Variants in NBAS observed in about 807,000 individuals in gnomAD.
NBAS encodes the protein NAG/BC035112 fusion.
Under a neutral mutation model 302.5 loss-of-function variants are expected in NBAS, and 219 were observed. The ratio of observed to expected loss-of-function variants is 0.72; its 90% CI spans 0.65 to 0.81. The LOEUF is 0.81. Ranked by LOEUF, NBAS falls within the 30% of genes least tolerant of loss-of-function variation. The pLI, the probability that NBAS is intolerant of heterozygous loss-of-function variation, is 0.00. For missense variants in NBAS, 2,932 were observed against 2,841.6 expected (o/e 1.03, Z -0.72); for synonymous variants, 1,118 against 1,021.6 (o/e 1.09, Z -1.80).
intron 23 of NBAS, among the ~76,000 whole-genome samples, chr2:15,419,941 T>C (rs964181939): frequency 2.6e-5 from 4 of 152,078 alleles, no homozygotes; most frequent in Admixed American, 2.6e-4. Flanking sequence ...CTCGATCTCC[T>C]GACCTCATGA....
the NBAS span, among the ~76,000 whole-genome samples, chr2:15,061,539 T>C: frequency 6.6e-6 from 1 of 152,218 alleles, no homozygotes; most frequent in East Asian, 1.9e-4. Flanking sequence ...TGAAGCCCAT[T>C]TGAGCTGATG....
intron 48 of NBAS, among the ~76,000 whole-genome samples, chr2:15,191,276 G>A (rs1285506731): frequency 6.6e-6 from 1 of 152,156 alleles, no homozygotes; most frequent in Non-Finnish European, 1.5e-5. Context: ...ATGCTACATT[G>A]TCTGCACTAA....
chr2:15,326,534 G>A (rs746106754), intron 38 of NBAS, among the ~76,000 whole-genome samples: 3 of 151,992 alleles, frequency 2.0e-5, no homozygotes, highest in Non-Finnish European at 4.4e-5. Flanking sequence ...ACTGATGTAA[G>A]ACAATAAAAA....
the NBAS span, among the ~76,000 whole-genome samples, chr2:15,128,545 T>G: frequency 6.6e-6 from 1 of 152,036 alleles, no homozygotes; most frequent in African/African-American, 2.4e-5. Context: ...TAAATAAATA[T>G]CCTACAAAGT....
At chr2:14,788,577 A>G in the NBAS span, among the ~76,000 whole-genome samples, 1 of 152,154 alleles carries the variant, frequency 6.6e-6, no homozygotes, top group Admixed American at 6.6e-5. Flanking sequence ...GGAGTTTGCT[A>G]GAGGTCCACT....
At chr2:15,532,036 C>T (rs1663241325) in intron 9 of NBAS, among the ~76,000 whole-genome samples, 1 of 152,106 alleles carries the variant, frequency 6.6e-6, no homozygotes, top group Non-Finnish European at 1.5e-5. Flanking sequence ...CAGTATGTGG[C>T]ACAGAGTAGG....
At chr2:15,399,392 A>G (rs1490177419) in intron 26 of NBAS, among the ~76,000 whole-genome samples, 1 of 152,162 alleles carries the variant, frequency 6.6e-6, no homozygotes, top group East Asian at 1.9e-4. Flanking sequence ...TGCCACACTG[A>G]TAGCCTTTGG....
At chr2:15,076,659 T>C in the NBAS span, among the ~76,000 whole-genome samples, 2 of 152,302 alleles carry the variant, frequency 1.3e-5, no homozygotes, top group Non-Finnish European at 2.9e-5. Flanking sequence ...GAGCCCATAG[T>C]CGAGTGCCTG....
chr2:15,461,662 A>ATTT, intron 20 of NBAS, 25 bp downstream of exon 20: 1 of 1,328,756 alleles, frequency 7.5e-7, no homozygotes, highest in Non-Finnish European at 1.1e-6. Context: ...AACCATAATT[A>ATTT]TTTTATTTAC....
the NBAS span, among the ~76,000 whole-genome samples, chr2:14,975,916 T>C: frequency 6.6e-6 from 1 of 152,134 alleles, no homozygotes. Context: ...GTTTATGAAG[T>C]TTATGAAGGA....
At chr2:15,122,134 G>GTT in the NBAS span, among the ~76,000 whole-genome samples, 33 of 145,236 alleles carry the variant, frequency 2.3e-4, no homozygotes, top group East Asian at 6.0e-4. Context: ...CCGTTAGCCT[G>GTT]TTTTTTTTTT....
chr2:15,255,038 T>C (rs1448537028), intron 44 of NBAS, among the ~76,000 whole-genome samples: 1 of 152,222 alleles, frequency 6.6e-6, no homozygotes, highest in Admixed American at 6.5e-5. Flanking sequence ...CATGTGCAAG[T>C]GTTTTTTTCA....
intron 21 of NBAS, 73 bp from the exon 22 acceptor site, chr2:15,427,867 G>T: frequency 9.1e-7 from 1 of 1,095,120 alleles, no homozygotes; most frequent in Non-Finnish European, 1.4e-6. Context: ...GGAGTAAAAT[G>T]CAAACAGCAT....
At chr2:15,362,369 ATGG>A (rs56850292) in intron 32 of NBAS, among the ~76,000 whole-genome samples, 76,934 of 151,236 alleles carry the variant, frequency 0.51, 22,946 homozygotes, top group Non-Finnish European at 0.67. Context: ...TTAGCTGGGC[ATGG>A]TGGTACATGC....
At chr2:15,200,058 A>G (rs1329527391) in intron 48 of NBAS, among the ~76,000 whole-genome samples, 2 of 152,060 alleles carry the variant, frequency 1.3e-5, no homozygotes, top group Admixed American at 6.5e-5. Context: ...ACATGCCACT[A>G]TGCCTGGCTA....
intron 29 of NBAS, among the ~76,000 whole-genome samples, chr2:15,382,731 G>GAGAGTAGA (rs1484729467): frequency 9.8e-5 from 15 of 152,296 alleles, no homozygotes; most frequent in East Asian, 7.7e-4. Flanking sequence ...AAGGAGTAGA[G>GAGAGTAGA]CTACTTTTTG....
At chr2:14,957,138 C>G in the NBAS span, among the ~76,000 whole-genome samples, 1 of 152,134 alleles carries the variant, frequency 6.6e-6, no homozygotes, top group Non-Finnish European at 1.5e-5. Context: ...TCCATCAGAG[C>G]CTTCAGAAAG....
At chr2:14,968,886 T>G in the NBAS span, among the ~76,000 whole-genome samples, 1 of 152,208 alleles carries the variant, frequency 6.6e-6, no homozygotes, top group African/African-American at 2.4e-5. Context: ...GCATAAAAAT[T>G]TATATTAAAA....
the NBAS span, among the ~76,000 whole-genome samples, chr2:14,925,353 G>A: frequency 7.9e-5 from 12 of 152,070 alleles, no homozygotes; most frequent in Non-Finnish European, 1.5e-4. Flanking sequence ...GAAACTTCTC[G>A]ACAAGAAATA....
Sources: allele counts gnomAD v4.1 joint callset (sites outside exome capture counted in the v4.1 genomes callset), GRCh38; gene constraint gnomAD v4.1.1; transcripts MANE v1.5; gene names NCBI Gene and HGNC (gene_info 2026-07-23, HGNC 2026-07-21).